The following LGSN variants were observed in gnomAD, a reference collection of about 807,000 sequenced individuals.
The protein encoded by LGSN is lengsin.
In LGSN, 21 loss-of-function variants were observed where a neutral mutation model predicts 19.5. The observed-to-expected ratio is 1.07, with a 90% confidence interval of 0.76 to 1.55. The LOEUF (loss-of-function observed/expected upper bound fraction) is 1.55. LGSN is among the 40% of genes most tolerant of loss of function. The pLI is 0.00. For missense variants in LGSN, 673 were observed against 608.5 expected, an observed-to-expected ratio of 1.11 and a Z score of -1.12; for synonymous variants, 257 against 215.6, an observed-to-expected ratio of 1.19 and a Z score of -1.68.
At chr6:63,500,382 T>C in the LGSN span, among the ~76,000 whole-genome samples, 1 of 152,214 alleles carries the variant, frequency 6.6e-6, no homozygotes, top group African/African-American at 2.4e-5. Context: ...CTTCTCTGCT[T>C]CATGTCTGAG....
rs1343708962 is a variant in LGSN at position 63,281,083 on chromosome 6, A to G, written c.468T>C (p.Phe156=). ...DIVLMPELST[F]RVLPWADRTA... Reference sequence around the variant, plus strand: ...TTCTGTCAGCCCATGGCAAAACTCTAAAGGTTGATAACTCTGGCATTAGGA... The same window carrying G: ...TTCTGTCAGCCCATGGCAAAACTCTGAAGGTTGATAACTCTGGCATTAGGA... Residue 156 remains phenylalanine, a synonymous_variant, in exon 4 of 4, where the codon TTT becomes TTC. Coordinates refer to ENST00000370657, the MANE Select transcript of LGSN (RefSeq NM_016571.3). 1.9e-6 allele frequency: 3 copies of G among 1,613,794 alleles called. No homozygotes were observed. The highest frequency in any genetic ancestry group is 3.3e-5 in the Admixed American group (2 of 59,966).
At chr6:63,405,740 T>C in the LGSN span, among the ~76,000 whole-genome samples, 2 of 152,212 alleles carry the variant, frequency 1.3e-5, no homozygotes, top group Non-Finnish European at 2.9e-5. Flanking sequence ...GCAAATTGGA[T>C]AAAGAGTTAA....
At chr6:63,423,325 CAG>C in the LGSN span, among the ~76,000 whole-genome samples, 3 of 152,144 alleles carry the variant, frequency 2.0e-5, no homozygotes. Context: ...GCCTGGGTGA[CAG>C]AGTGAGACCA....
chr6:63,442,625 C>G, the LGSN span, among the ~76,000 whole-genome samples: 2 of 151,698 alleles, frequency 1.3e-5, no homozygotes, highest in Non-Finnish European at 2.9e-5. Flanking sequence ...CTGACTGGTA[C>G]GTTTACAAAC....
intron 2 of LGSN, among the ~76,000 whole-genome samples, chr6:63,290,816 G>A (rs2127386155): frequency 6.6e-6 from 1 of 152,338 alleles, no homozygotes; most frequent in Non-Finnish European, 1.5e-5. Context: ...TGACCAGCAA[G>A]CTGAATTTAG....
chr6:63,552,231 G>C, the LGSN span, among the ~76,000 whole-genome samples: 1 of 152,324 alleles, frequency 6.6e-6, no homozygotes, highest in South Asian at 2.1e-4. Context: ...CATTCTAACT[G>C]GTGTGAGATG....
chr6:63,383,354 C>T, the LGSN span, among the ~76,000 whole-genome samples: 1 of 148,222 alleles, frequency 6.7e-6, no homozygotes, highest in African/African-American at 2.5e-5. Context: ...GCACATAAAC[C>T]TTGTTTAACC....
the LGSN span, among the ~76,000 whole-genome samples, chr6:63,497,670 A>G: frequency 6.6e-6 from 1 of 152,188 alleles, no homozygotes; most frequent in African/African-American, 2.4e-5. Flanking sequence ...TTCCACATTC[A>G]GCTTGAGTGG....
At chr6:63,327,896 G>A in the LGSN span, among the ~76,000 whole-genome samples, 1 of 152,110 alleles carries the variant, frequency 6.6e-6, no homozygotes, top group South Asian at 2.1e-4. Flanking sequence ...TGATGGCTTT[G>A]GTAGTGTAAG....
chr6:63,472,557 CT>C, the LGSN span, among the ~76,000 whole-genome samples: 4 of 152,280 alleles, frequency 2.6e-5, no homozygotes, highest in East Asian at 5.8e-4. Context: ...TAGTGCAATA[CT>C]ACATAGATAT....
At chr6:63,409,902 G>C in the LGSN span, among the ~76,000 whole-genome samples, 2 of 152,230 alleles carry the variant, frequency 1.3e-5, no homozygotes, top group East Asian at 1.9e-4. Flanking sequence ...CGGGCATGGT[G>C]GTGGGTGCCT....
chr6:63,280,703 AATGCATT>A lies in LGSN; in HGVS notation c.841_847del (p.Asn281LeufsTer67). 1.2e-6 allele frequency: 2 copies of A among 1,614,150 alleles called. No individual in the cohort carries two copies. Among genetic ancestry groups the A allele is most frequent in the Non-Finnish European group, 1.7e-6 (2 of 1,180,022 alleles). ...TTCTTTGACACCTGTTCTGAGGGTA[AATGCATT>A]ATCAGCTGAGCTAATGCCAAATTCA... On this transcript the variant is annotated frameshift_variant, in exon 4 of 4. Coordinates refer to ENST00000370657, the MANE Select transcript of LGSN (RefSeq NM_016571.3). LOFTEE classifies it low-confidence loss of function (END_TRUNC).
chr6:63,457,319 A>C, the LGSN span, among the ~76,000 whole-genome samples: 1 of 152,162 alleles, frequency 6.6e-6, no homozygotes, highest in Non-Finnish European at 1.5e-5. Flanking sequence ...AGCCTGGCCA[A>C]CATGGTGAAA....
chr6:63,553,533 G>T, the LGSN span, among the ~76,000 whole-genome samples: 3 of 152,182 alleles, frequency 2.0e-5, no homozygotes, highest in African/African-American at 7.2e-5. Context: ...ATGCAGTATA[G>T]CTATTTTAGT....
chr6:63,333,859 A>G, the LGSN span, among the ~76,000 whole-genome samples: 1 of 152,240 alleles, frequency 6.6e-6, no homozygotes, highest in Non-Finnish European at 1.5e-5. Flanking sequence ...TCACATCAAC[A>G]GAATGAACAA....
intron 1 of LGSN, among the ~76,000 whole-genome samples, chr6:63,297,630 G>A (rs1300623844): frequency 6.6e-6 from 1 of 152,136 alleles, no homozygotes; most frequent in Non-Finnish European, 1.5e-5. Flanking sequence ...GGTGCAATGT[G>A]AATGATGCTT....
the LGSN span, among the ~76,000 whole-genome samples, chr6:63,530,225 T>A: frequency 9.5e-4 from 144 of 152,186 alleles, 1 homozygote; most frequent in Non-Finnish European, 1.9e-3. Context: ...ACACTTTTTT[T>A]TCATACACTG....
chr6:63,437,924 T>A, the LGSN span, among the ~76,000 whole-genome samples: 1 of 152,170 alleles, frequency 6.6e-6, no homozygotes, highest in East Asian at 1.9e-4. Context: ...AGTGAGACTA[T>A]CTCAAAAAAT....
At chr6:63,347,249 C>A in the LGSN span, among the ~76,000 whole-genome samples, 1 of 152,110 alleles carries the variant, frequency 6.6e-6, no homozygotes, top group African/African-American at 2.4e-5. Flanking sequence ...TTCATTATTT[C>A]TTTTCAAAAT....
Sources: gnomAD v4.1 joint callset for allele counts (sites outside exome capture counted in the v4.1 genomes callset) on GRCh38, gnomAD v4.1.1 for gene constraint, MANE v1.5 for transcripts, NCBI Gene and HGNC (gene_info 2026-07-23, HGNC 2026-07-21) for gene names.